The following MPP7 variants were observed in gnomAD, a reference collection of about 807,000 sequenced individuals.
The protein encoded by MPP7 is MAGUK p55 subfamily member 7.
Under a neutral mutation model 76.5 loss-of-function variants are expected in MPP7, and 60 were observed. The ratio of observed to expected loss-of-function variants is 0.78; its 90% CI spans 0.64 to 0.97. The LOEUF (loss-of-function observed/expected upper bound fraction) is 0.97, where lower values mean the gene tolerates loss of function less well. Ranked by LOEUF, MPP7 falls within the 50% of genes least tolerant of loss-of-function variation. The pLI is 0.00. For missense variants in MPP7, 641 were observed against 694.0 expected (o/e 0.92, Z 0.86); for synonymous variants, 237 against 244.5 (o/e 0.97, Z 0.29).
At chr10:28,133,373 T>G (rs1835256096) in intron 5 of MPP7, among the ~76,000 whole-genome samples, 1 of 152,172 alleles carries the variant, frequency 6.6e-6, no homozygotes, top group Non-Finnish European at 1.5e-5. Context: ...TACACTGCCC[T>G]CCTCCTCATT....
Position 28,281,676 on chromosome 10 carries a change from AT to A in MPP7, c.-132+21184del, listed in dbSNP as rs779773837. On this transcript the variant is annotated intron_variant, in intron 1 of 16. Transcript: ENST00000683449. ...TGGTATGTGCCAGGCACTGCACTAA[AT>A]ACTTCTAATGTGTTATCGGATTTAA... is the stretch of plus-strand genomic sequence containing the variant. Among the ~76,000 whole-genome samples the A allele has an allele frequency of 9.6e-4, 146 of 152,108 alleles. 4 individuals carry two copies. Among genetic ancestry groups the A allele is most frequent in the Non-Finnish European group, 1.6e-4 (11 of 68,038 alleles).
intron 15 of MPP7, among the ~76,000 whole-genome samples, chr10:28,058,257 G>A (rs969477166): frequency 2.0e-5 from 3 of 152,158 alleles, no homozygotes; most frequent in Non-Finnish European, 2.9e-5. Flanking sequence ...ATATAAATAA[G>A]AGTTACAAAC....
intron 11 of MPP7, among the ~76,000 whole-genome samples, chr10:28,109,186 G>A (rs1054894087): frequency 2.0e-5 from 3 of 152,122 alleles, no homozygotes; most frequent in African/African-American, 7.2e-5. Flanking sequence ...TACTCAGGAG[G>A]CTGAGGCAGG....
chr10:28,232,652 T>A (rs766457513), intron 2 of MPP7, among the ~76,000 whole-genome samples: 1 of 152,226 alleles, frequency 6.6e-6, no homozygotes, highest in Admixed American at 6.5e-5. Context: ...AAACTGCTTA[T>A]GGTGTAATTC....
chr10:28,124,116 C>T lies in MPP7; in HGVS notation c.530G>A (p.Gly177Asp). 1 of 1,602,262 alleles carries T rather than the reference C, an allele frequency of 6.2e-7. No homozygotes were observed. ...IMRGGAADRS[G>D]LIHVGDELRE... is the part of the protein sequence containing the mutation. ...AAGTTCATCACCAACATGAATAAGA[C>T]CTGAGAAATAGGAGATTTGGTAAAT... The change falls in exon 8 of 17, where the codon GGT (glycine) becomes GAT (aspartate). Residue 177 changes from glycine (G) to aspartate (D), a missense_variant and splice_region_variant. Coordinates refer to ENST00000683449, the MANE Select transcript of MPP7 (RefSeq NM_001318170.2).
At chr10:28,100,819 G>T (rs1480689579) in intron 11 of MPP7, among the ~76,000 whole-genome samples, 1 of 152,006 alleles carries the variant, frequency 6.6e-6, no homozygotes, top group African/African-American at 2.4e-5. Context: ...ATATTACTTA[G>T]GTCTTTAAAA....
intron 12 of MPP7, among the ~76,000 whole-genome samples, chr10:28,070,180 G>A (rs1332664738): frequency 2.6e-5 from 4 of 152,082 alleles, no homozygotes; most frequent in East Asian, 1.9e-4. Context: ...GGCAGATCAC[G>A]AGGTCAGGAG....
intron 11 of MPP7, among the ~76,000 whole-genome samples, chr10:28,109,860 A>AAAAAAAAAC (rs1834443237): frequency 6.7e-6 from 1 of 148,768 alleles, no homozygotes; most frequent in African/African-American, 2.5e-5. Context: ...AAAAAAAAAA[A>AAAAAAAAAC]AAAAAAAAAA....
rs75367659 is a variant in MPP7, at chr10:28,301,721, G to A, written c.-132+1140C>T. On this transcript the variant is annotated intron_variant, in intron 1 of 16. Coordinates refer to ENST00000683449, the MANE Select transcript of MPP7 (RefSeq NM_001318170.2). The stretch of plus-strand genomic sequence containing the variant: ...ACAGCCTGCCTCAGAAGAGTAGGAG[G>A]ATGGCATACTATATAATTGATAGAG... 1.8e-3 allele frequency among the ~76,000 whole-genome samples: 273 copies of A among 152,244 alleles called. 1 individual carries two copies. The highest frequency in any genetic ancestry group is 6.3e-3 in the African/African-American group (262 of 41,532).
At chr10:28,125,839 CTCAGAAGCAAATTAACTGCTGCCTTG>C (rs1163250016) in intron 6 of MPP7, among the ~76,000 whole-genome samples, 1 of 152,106 alleles carries the variant, frequency 6.6e-6, no homozygotes, top group African/African-American at 2.4e-5. Flanking sequence ...CTTACAGATA[CTCAGAAGCAAATTAACTGCTGCCTTG>C]TAAGAACAAC....
intron 1 of MPP7, among the ~76,000 whole-genome samples, chr10:28,285,297 G>C (rs890932547): frequency 6.6e-6 from 1 of 152,124 alleles, no homozygotes; most frequent in Non-Finnish European, 1.5e-5. Context: ...TGATTCTCCT[G>C]CCTCAGCCTC....
chr10:28,165,111 C>T (rs916656914), intron 3 of MPP7, among the ~76,000 whole-genome samples: 2 of 152,104 alleles, frequency 1.3e-5, no homozygotes, highest in Non-Finnish European at 2.9e-5. Flanking sequence ...CCAGCTGCAG[C>T]AACAATAATA....
chr10:28,227,645 T>C (rs1838740398), intron 2 of MPP7, among the ~76,000 whole-genome samples: 1 of 152,188 alleles, frequency 6.6e-6, no homozygotes, highest in South Asian at 2.1e-4. Context: ...AGGACATGGT[T>C]GATCTTGTTC....
At chr10:28,231,927 T>A (rs1838898369) in intron 2 of MPP7, among the ~76,000 whole-genome samples, 2 of 152,288 alleles carry the variant, frequency 1.3e-5, no homozygotes, top group South Asian at 4.1e-4. Flanking sequence ...AAATTACAAC[T>A]GAACTCACTC....
At chr10:28,269,229 C>T (rs892273464) in intron 1 of MPP7, among the ~76,000 whole-genome samples, 4 of 152,182 alleles carry the variant, frequency 2.6e-5, no homozygotes, top group Non-Finnish European at 5.9e-5. Flanking sequence ...CCCATTGCTC[C>T]AGCAAAGAAT....
intron 1 of MPP7, among the ~76,000 whole-genome samples, chr10:28,287,979 A>G (rs183870676): frequency 1.9e-4 from 29 of 152,342 alleles, no homozygotes; most frequent in Admixed American, 5.9e-4. Flanking sequence ...ATTATCAGAA[A>G]AGACTATTAA....
chr10:28,212,212 G>A (rs1838162702), intron 2 of MPP7, among the ~76,000 whole-genome samples: 1 of 152,178 alleles, frequency 6.6e-6, no homozygotes, highest in Admixed American at 6.5e-5. Flanking sequence ...ACAACTATAT[G>A]GGAAGATCAA....
intron 1 of MPP7, among the ~76,000 whole-genome samples, chr10:28,277,531 A>C (rs1297864483): frequency 6.6e-6 from 1 of 152,070 alleles, no homozygotes; most frequent in Non-Finnish European, 1.5e-5. Context: ...TTGATTTATA[A>C]CATATTTAAG....
intron 1 of MPP7, among the ~76,000 whole-genome samples, chr10:28,293,473 T>A (rs150833272): frequency 1.4e-3 from 210 of 152,266 alleles, no homozygotes; most frequent in African/African-American, 4.8e-3. Flanking sequence ...GTCAATGAGA[T>A]AACAATCTGG....
Sources: gnomAD v4.1 joint callset for allele counts (sites outside exome capture counted in the v4.1 genomes callset) on GRCh38, gnomAD v4.1.1 for gene constraint, MANE v1.5 for transcripts, NCBI Gene and HGNC (gene_info 2026-07-23, HGNC 2026-07-21) for gene names.